The following MAGI2 variants were observed in gnomAD, a reference collection of about 807,000 sequenced individuals.
The protein encoded by MAGI2 is membrane associated guanylate kinase, WW and PDZ domain containing 2.
In MAGI2, 35 loss-of-function variants were observed where a neutral mutation model predicts 133.3. That is an observed-to-expected ratio of 0.26 (90% CI 0.20 to 0.35). The LOEUF (loss-of-function observed/expected upper bound fraction) is 0.35. Among genes scored for constraint, MAGI2 ranks in the 10% least tolerant of loss-of-function variants. The probability of loss-of-function intolerance (pLI) is 1.00; values close to 1 mark genes in which losing one functional copy is unlikely to be tolerated. For missense variants in MAGI2, 1,636 were observed against 1,863.4 expected, an observed-to-expected ratio of 0.88 and a Z score of 2.25; for synonymous variants, 729 against 710.6, an observed-to-expected ratio of 1.03 and a Z score of -0.41.
Position 78,677,708 on chromosome 7 carries a change from T to G in MAGI2, c.419-50469A>C, listed in dbSNP as rs185253929. 4.6e-5 allele frequency among the ~76,000 whole-genome samples: 7 copies of G among 152,206 alleles called. No homozygotes were observed. In the East Asian group the frequency reaches 1.4e-3, roughly 29 times the overall value. On this transcript the variant is annotated intron_variant, in intron 2 of 21. Coordinates refer to ENST00000354212, the MANE Select transcript of MAGI2 (RefSeq NM_012301.4). Reference sequence around the variant, plus strand: ...TACTGGGGATTCTTCTACTAGAAAATTAGAACTCTTTGGCATTTATTACAT... The same window carrying G: ...TACTGGGGATTCTTCTACTAGAAAAGTAGAACTCTTTGGCATTTATTACAT...
chr7:78,451,812 T>C (rs1387846945), intron 6 of MAGI2, among the ~76,000 whole-genome samples: 1 of 152,106 alleles, frequency 6.6e-6, no homozygotes, highest in Non-Finnish European at 1.5e-5. Flanking sequence ...TACACAAATA[T>C]ATGTTGTATC....
At chr7:79,437,391 G>A (rs904240479) in intron 1 of MAGI2, among the ~76,000 whole-genome samples, 1 of 151,962 alleles carries the variant, frequency 6.6e-6, no homozygotes, top group South Asian at 2.1e-4. Flanking sequence ...AATTGAAATT[G>A]TATATCTTTA....
chr7:78,795,294 G>A (rs1787512873), intron 2 of MAGI2, among the ~76,000 whole-genome samples: 1 of 151,386 alleles, frequency 6.6e-6, no homozygotes, highest in Non-Finnish European at 1.5e-5. Context: ...CTTATATTCA[G>A]ATCTTATGCA....
chr7:79,378,940 A>ATGTGTG (rs1563168262), intron 1 of MAGI2, among the ~76,000 whole-genome samples: 1 of 63,372 alleles, frequency 1.6e-5, no homozygotes, highest in Non-Finnish European at 3.2e-5. Flanking sequence ...ATATATATAT[A>ATGTGTG]TATATATATA....
At chr7:78,943,488 G>A (rs990818998) in intron 2 of MAGI2, among the ~76,000 whole-genome samples, 1 of 152,072 alleles carries the variant, frequency 6.6e-6, no homozygotes, top group African/African-American at 2.4e-5. Context: ...TGCTAAAGTG[G>A]GAGGACCAGT....
At chr7:78,246,020 C>CA (rs1791745127) in intron 10 of MAGI2, among the ~76,000 whole-genome samples, 1 of 152,148 alleles carries the variant, frequency 6.6e-6, no homozygotes. Flanking sequence ...GAGCTGCTAC[C>CA]ATACCCTACC....
intron 2 of MAGI2, among the ~76,000 whole-genome samples, chr7:78,742,478 A>T (rs1481611533): frequency 5.3e-5 from 8 of 152,192 alleles, no homozygotes; most frequent in African/African-American, 1.9e-4. Flanking sequence ...GTTTTGTTAG[A>T]AAGTGGCAGG....
In MAGI2 at chr7:78,725,792, C is replaced by T. The variant is rs1039105089; in HGVS notation, c.419-98553G>A. On this transcript the variant is annotated intron_variant, in intron 2 of 21. Transcript: ENST00000354212. Reference sequence around the variant, plus strand: ...CCAGCCTGGGCGTCAGAGGGAAACTCGGTCTCAATACAACAACAACCACAA... The same window carrying T: ...CCAGCCTGGGCGTCAGAGGGAAACTTGGTCTCAATACAACAACAACCACAA... Among the ~76,000 whole-genome samples, 3 of 151,648 alleles carry T rather than the reference C, an allele frequency of 2.0e-5. 1 individual carries two copies. The highest frequency in any genetic ancestry group is 2.0e-4 in the Admixed American group (3 of 15,240).
At chr7:78,199,925 C>T (rs762644768) in intron 11 of MAGI2, among the ~76,000 whole-genome samples, 2 of 152,114 alleles carry the variant, frequency 1.3e-5, no homozygotes, top group East Asian at 1.9e-4. Context: ...ATGATGAGGT[C>T]GCAAGGTTCC....
intron 2 of MAGI2, among the ~76,000 whole-genome samples, chr7:78,890,578 C>G (rs1418624274): frequency 3.3e-5 from 5 of 152,136 alleles, no homozygotes; most frequent in Admixed American, 1.3e-4. Context: ...GAAACTCACT[C>G]AAAACCGCTC....
chr7:79,349,496 A>G (rs1316778630), intron 1 of MAGI2, among the ~76,000 whole-genome samples: 4 of 151,186 alleles, frequency 2.6e-5, no homozygotes, highest in Non-Finnish European at 5.9e-5. Context: ...AGCACTTACT[A>G]TGTGCCAAAT....
At chr7:78,819,076 A>T (rs1789856731) in intron 2 of MAGI2, among the ~76,000 whole-genome samples, 1 of 152,102 alleles carries the variant, frequency 6.6e-6, no homozygotes, top group Admixed American at 6.5e-5. Flanking sequence ...GTGGTGAAAA[A>T]TTCAGCTTTA....
At chr7:78,209,170 T>C (rs112485412) in intron 10 of MAGI2, among the ~76,000 whole-genome samples, 30,611 of 32,918 alleles carry the variant, frequency 0.93, 14,405 homozygotes, top group Non-Finnish European at 1. Flanking sequence ...TGCAGTGAGC[T>C]GAGATCGCGC....
At chr7:78,901,338 T>C (rs1012315979) in intron 2 of MAGI2, 4 of 152,148 alleles carry the variant, frequency 2.6e-5, no homozygotes, top group Admixed American at 6.5e-5. Context: ...TACAGAGAGC[T>C]CAATATATGA....
At chr7:79,295,854 A>G (rs1397260006) in intron 1 of MAGI2, among the ~76,000 whole-genome samples, 1 of 152,108 alleles carries the variant, frequency 6.6e-6, no homozygotes, top group African/African-American at 2.4e-5. Flanking sequence ...CAAGAAGAAA[A>G]CACACTTCCA....
At chr7:78,084,050 C>T (rs1025679000) in intron 20 of MAGI2, among the ~76,000 whole-genome samples, 7 of 152,180 alleles carry the variant, frequency 4.6e-5, no homozygotes, top group South Asian at 2.1e-4. Flanking sequence ...TCGTTACAAA[C>T]GTGCTTACCT....
intron 9 of MAGI2, among the ~76,000 whole-genome samples, chr7:78,270,822 A>G (rs1393748761): frequency 1.3e-5 from 2 of 152,170 alleles, no homozygotes; most frequent in African/African-American, 4.8e-5. Context: ...TCTGCCTGAA[A>G]TCAACAGAAT....
At chr7:79,090,837 G>A (rs1816978542) in intron 1 of MAGI2, among the ~76,000 whole-genome samples, 1 of 152,068 alleles carries the variant, frequency 6.6e-6, no homozygotes, top group South Asian at 2.1e-4. Flanking sequence ...TGTATTGAAG[G>A]TGAATTCTGA....
intron 15 of MAGI2, among the ~76,000 whole-genome samples, chr7:78,160,729 A>G (rs1824891333): frequency 6.6e-6 from 1 of 152,232 alleles, no homozygotes; most frequent in Non-Finnish European, 1.5e-5. Context: ...ATGTTTTCTC[A>G]GTAGGTCTGG....
Sources: gnomAD v4.1 joint callset for allele counts (sites outside exome capture counted in the v4.1 genomes callset) on GRCh38, gnomAD v4.1.1 for gene constraint, MANE v1.5 for transcripts, NCBI Gene and HGNC (gene_info 2026-07-23, HGNC 2026-07-21) for gene names.